PKNOX2: variants seen among roughly 807,000 people sequenced by gnomAD.
PKNOX2 encodes homeobox protein PKNOX2.
Under a neutral mutation model 53.1 loss-of-function variants are expected in PKNOX2, and 14 were observed. That is an observed-to-expected ratio of 0.26 (90% CI 0.17 to 0.41). The LOEUF (loss-of-function observed/expected upper bound fraction) is 0.41, where lower values mean the gene tolerates loss of function less well. Ranked by LOEUF, PKNOX2 falls within the 10% of genes least tolerant of loss-of-function variation. The probability of loss-of-function intolerance (pLI) is 1.00; values close to 1 mark genes in which losing one functional copy is unlikely to be tolerated. For missense variants in PKNOX2, 496 were observed against 602.8 expected, an observed-to-expected ratio of 0.82 and a Z score of 1.85; for synonymous variants, 257 against 242.8, an observed-to-expected ratio of 1.06 and a Z score of -0.54.
At chr11:125,195,078 G>A (rs1343576458) in intron 1 of PKNOX2, among the ~76,000 whole-genome samples, 1 of 152,150 alleles carries the variant, frequency 6.6e-6, no homozygotes. Context: ...GGGAAGATGG[G>A]ACTAGCACCC....
intron 2 of PKNOX2, among the ~76,000 whole-genome samples, chr11:125,293,390 T>G (rs1947436292): frequency 6.6e-6 from 1 of 152,160 alleles, no homozygotes; most frequent in Non-Finnish European, 1.5e-5. Context: ...TCTTTTAGTG[T>G]TTTTCAGAAG....
intron 2 of PKNOX2, among the ~76,000 whole-genome samples, chr11:125,243,041 T>C (rs1000354786): frequency 4.6e-5 from 7 of 152,212 alleles, no homozygotes; most frequent in Admixed American, 1.3e-4. Flanking sequence ...CTATTTTTTC[T>C]TGAAGGGTTG....
chr11:125,416,750 C>G (rs1955906722), intron 10 of PKNOX2, among the ~76,000 whole-genome samples: 1 of 152,062 alleles, frequency 6.6e-6, no homozygotes, highest in Non-Finnish European at 1.5e-5. Flanking sequence ...ATTGATTAAT[C>G]CACAAACTTT....
rs1427763661 is a variant in PKNOX2, at chr11:125,165,087, G to A, written c.-201+311G>A. Among the ~76,000 whole-genome samples the A allele has an allele frequency of 1.3e-5, 2 of 149,824 alleles. No homozygotes were observed. Among genetic ancestry groups the A allele is most frequent in the East Asian group, 4.0e-4 (2 of 5,040 alleles). On this transcript the variant is annotated intron_variant, in intron 1 of 12. Transcript: ENST00000298282. This position sits in a 1 kb window ranked among gnomAD's most constrained non-coding sequence, Gnocchi z 4.5. ...GCAGCGCGAGGGGCGGCGAGGCCGG[G>A]CACGGAGGCTGCGAGAGCCCCGCGG...
intron 10 of PKNOX2, among the ~76,000 whole-genome samples, chr11:125,426,877 C>T (rs541723286): frequency 1.3e-5 from 2 of 152,334 alleles, no homozygotes; most frequent in Non-Finnish European, 2.9e-5. Context: ...CCAGCTTTGC[C>T]TCAGGGAGTC....
chr11:125,343,508 G>A (rs887087373), intron 3 of PKNOX2, among the ~76,000 whole-genome samples: 3 of 152,324 alleles, frequency 2.0e-5, no homozygotes, highest in African/African-American at 7.2e-5. Flanking sequence ...AGCTGGAGGG[G>A]AGAGTAATGT....
chr11:125,301,982 A>G (rs1369464577), intron 2 of PKNOX2, among the ~76,000 whole-genome samples: 3 of 152,230 alleles, frequency 2.0e-5, no homozygotes, highest in Non-Finnish European at 2.9e-5. Flanking sequence ...AGTGTGTGTT[A>G]GCGAGAGCAT....
chr11:125,362,179 C>G (rs544904172), intron 4 of PKNOX2, among the ~76,000 whole-genome samples: 1 of 152,206 alleles, frequency 6.6e-6, no homozygotes, highest in East Asian at 1.9e-4. Context: ...CCTCCTGCCT[C>G]TTTTTTCACA....
At chr11:125,257,934 T>A (rs1944537037) in intron 2 of PKNOX2, among the ~76,000 whole-genome samples, 1 of 152,116 alleles carries the variant, frequency 6.6e-6, no homozygotes, top group Non-Finnish European at 1.5e-5. Context: ...ACGGCAGGAA[T>A]TTGTTAACCT....
At chr11:125,178,113 C>T (rs138499418) in intron 1 of PKNOX2, among the ~76,000 whole-genome samples, 1 of 152,242 alleles carries the variant, frequency 6.6e-6, no homozygotes, top group Non-Finnish European at 1.5e-5. Flanking sequence ...GAAACCATCC[C>T]TCCATCCATC....
At chr11:125,231,677 A>T (rs1942214515) in intron 1 of PKNOX2, among the ~76,000 whole-genome samples, 1 of 152,090 alleles carries the variant, frequency 6.6e-6, no homozygotes, top group Non-Finnish European at 1.5e-5. Context: ...ACATAAGTAC[A>T]GTGTGTAGAG....
chr11:125,197,687 T>A (rs1937897789), intron 1 of PKNOX2, among the ~76,000 whole-genome samples: 1 of 152,054 alleles, frequency 6.6e-6, no homozygotes, highest in African/African-American at 2.4e-5. Context: ...AAAACACAGC[T>A]GAGGCTCTGG....
At chr11:125,193,324 C>G (rs112984731) in intron 1 of PKNOX2, among the ~76,000 whole-genome samples, 3 of 152,284 alleles carry the variant, frequency 2.0e-5, no homozygotes, top group African/African-American at 7.2e-5. Flanking sequence ...CCCTCTCTAC[C>G]GAGGAATGCT....
chr11:125,223,464 A>G (rs1351308883), intron 1 of PKNOX2, among the ~76,000 whole-genome samples: 3 of 152,204 alleles, frequency 2.0e-5, no homozygotes, highest in African/African-American at 7.2e-5. Context: ...TCCTGGACTC[A>G]AGTGATTCAC....
At chr11:125,267,620 C>T (rs960018181) in intron 2 of PKNOX2, among the ~76,000 whole-genome samples, 9 of 152,222 alleles carry the variant, frequency 5.9e-5, no homozygotes, top group Non-Finnish European at 1.2e-4. Flanking sequence ...CAACCCCAAA[C>T]ATCTCCCAGC....
chr11:125,173,064 AGC>A (rs35575506), intron 1 of PKNOX2, among the ~76,000 whole-genome samples: 39,859 of 152,026 alleles, frequency 0.26, 5,399 homozygotes, highest in East Asian at 0.3. Context: ...ACTACAGCTA[AGC>A]AGTGTGCACA....
Position 125,422,997 on chromosome 11 carries a change from A to G in PKNOX2, c.937-6015A>G, listed in dbSNP as rs569459108. Among the ~76,000 whole-genome samples, 3 of 152,232 alleles carry G rather than the reference A, an allele frequency of 2.0e-5. No homozygotes were observed. The highest frequency in any genetic ancestry group is 7.2e-5 in the African/African-American group (3 of 41,536). On this transcript the variant is annotated intron_variant, in intron 10 of 12. Transcript: ENST00000298282. The surrounding 1 kb of genome is among the most constrained non-coding windows in gnomAD (Gnocchi z 4.1). ...CAGAGTACACTAAGCACCGTTCTAA[A>G]TAGCTTTCGTATATTAACTCATTTA...
At chr11:125,205,292 G>A (rs1481816131) in intron 1 of PKNOX2, among the ~76,000 whole-genome samples, 2 of 152,146 alleles carry the variant, frequency 1.3e-5, no homozygotes, top group Non-Finnish European at 2.9e-5. Context: ...GTCCCTTCCG[G>A]GGAGGTGGGT....
chr11:125,411,875 T>C lies in PKNOX2; in HGVS notation c.936+10T>C. The C allele has an allele frequency of 6.2e-7, 1 of 1,614,078 alleles. No homozygotes were observed. ...CTTCCAGCATCTCATGGTGAGTGTGTGTGTCTTGGGGGTGTGGAGTCCCGG... is the reference window on the plus strand; with the variant it reads ...CTTCCAGCATCTCATGGTGAGTGTGCGTGTCTTGGGGGTGTGGAGTCCCGG... On this transcript the variant is annotated intron_variant, in intron 10 of 12. Transcript: ENST00000298282.
Sources: allele counts gnomAD v4.1 joint callset (sites outside exome capture counted in the v4.1 genomes callset), GRCh38; gene constraint gnomAD v4.1.1; non-coding constraint Gnocchi (gnomAD v3.1); transcripts MANE v1.5; gene names NCBI Gene and HGNC (gene_info 2026-07-23, HGNC 2026-07-21).